Variants in EFCAB6 observed in about 807,000 individuals in gnomAD.
EFCAB6 encodes EF-hand calcium-binding domain-containing protein 6.
EFCAB6 carries 156 observed loss-of-function variants against 169.8 expected under a neutral mutation model. That is an observed-to-expected ratio of 0.92 (90% CI 0.81 to 1.05). The LOEUF is 1.05. Ranked by LOEUF, EFCAB6 falls within the 50% of genes least tolerant of loss-of-function variation. The pLI is 0.00. For synonymous variants in EFCAB6, 698 were observed against 676.4 expected (o/e 1.03, Z -0.50); for missense variants, 1,800 against 1,829.1 (o/e 0.98, Z 0.29).
intron 10 of EFCAB6, 28 bp from the exon 11 acceptor site, chr22:43,687,609 A>T: frequency 1.4e-6 from 2 of 1,411,610 alleles, no homozygotes; most frequent in Non-Finnish European, 2.0e-6. Context: ...AACAAAAAAC[A>T]TTACTTTAAA....
In EFCAB6 at chr22:43,608,471, G is replaced by C. The variant is rs201664609; in HGVS notation, c.2681+11C>G. 1.2e-6 allele frequency: 2 copies of C among 1,612,708 alleles called. No homozygotes were observed. Among genetic ancestry groups the C allele is most frequent in the South Asian group, 2.2e-5 (2 of 91,022 alleles). ...AAGAATGGAAACCAACCAGTCTCAC[G>C]TGCCACTTACCTTGCCCAAAGCTTT... On this transcript the variant is annotated intron_variant, in intron 22 of 31. Coordinates refer to ENST00000262726, the MANE Select transcript of EFCAB6 (RefSeq NM_022785.4).
intron 26 of EFCAB6, among the ~76,000 whole-genome samples, chr22:43,561,971 C>T (rs1003504379): frequency 7.2e-5 from 11 of 152,120 alleles, no homozygotes; most frequent in East Asian, 1.9e-4. Flanking sequence ...CGGCTGGGCC[C>T]GGTCCGTGCT....
At chr22:43,534,954 A>G (rs2047300850) in intron 29 of EFCAB6, 82 bp from the exon 30 acceptor site, 1 of 1,439,670 alleles carries the variant, frequency 6.9e-7, no homozygotes, top group Non-Finnish European at 9.5e-7. Flanking sequence ...ACTTGCTGAG[A>G]CACCTTCTCT....
intron 2 of EFCAB6, among the ~76,000 whole-genome samples, chr22:43,784,488 CAAAA>C (rs113755588): frequency 0.038 from 2,398 of 63,412 alleles, 141 homozygotes; most frequent in Non-Finnish European, 0.053. Flanking sequence ...CTGTCTCTAC[CAAAA>C]AAAAAAAAAA....
At chr22:43,587,985 T>A (rs577814931) in intron 24 of EFCAB6, among the ~76,000 whole-genome samples, 7 of 152,372 alleles carry the variant, frequency 4.6e-5, no homozygotes, top group African/African-American at 1.7e-4. Flanking sequence ...ATTTTTAGTA[T>A]AACTCAAATA....
At chr22:43,784,590 TGTATATATAC>T (rs1438753907) in intron 2 of EFCAB6, among the ~76,000 whole-genome samples, 2 of 36,868 alleles carry the variant, frequency 5.4e-5, no homozygotes, top group Non-Finnish European at 1.4e-4. Context: ...CACATATATA[TGTATATATAC>T]ACATATATAT....
At chr22:43,794,588 T>C (rs2062429539) in intron 2 of EFCAB6, among the ~76,000 whole-genome samples, 1 of 152,238 alleles carries the variant, frequency 6.6e-6, no homozygotes, top group Admixed American at 6.5e-5. Context: ...TAAGAAAATC[T>C]GTGTATCAAT....
intron 23 of EFCAB6, among the ~76,000 whole-genome samples, chr22:43,597,879 A>G (rs1292413818): frequency 1.3e-5 from 2 of 152,230 alleles, no homozygotes; most frequent in African/African-American, 4.8e-5. Context: ...TACACAATGG[A>G]ACATTATTTA....
intron 24 of EFCAB6, among the ~76,000 whole-genome samples, chr22:43,581,619 C>T (rs2147315154): frequency 6.6e-6 from 1 of 152,324 alleles, no homozygotes; most frequent in African/African-American, 2.4e-5. Context: ...GAATTGCTGG[C>T]ACTTAAACAC....
chr22:43,555,283 G>A (rs1284906548), intron 26 of EFCAB6, among the ~76,000 whole-genome samples, 187 bp from the exon 27 acceptor site: 1 of 152,214 alleles, frequency 6.6e-6, no homozygotes, highest in Non-Finnish European at 1.5e-5. Flanking sequence ...CTGAGCAGAA[G>A]CCTGGGTTTC....
chr22:43,661,874 T>A (rs1047464839), intron 17 of EFCAB6, among the ~76,000 whole-genome samples: 1 of 152,190 alleles, frequency 6.6e-6, no homozygotes, highest in African/African-American at 2.4e-5. Flanking sequence ...CCCAGCACTC[T>A]GGGAGGCCGA....
intron 27 of EFCAB6, among the ~76,000 whole-genome samples, chr22:43,541,184 G>A (rs11913313): frequency 0.038 from 5,755 of 152,168 alleles, 376 homozygotes; most frequent in African/African-American, 0.13. Context: ...CCCATCCTGC[G>A]CTTTCCCCTG....
intron 31 of EFCAB6, among the ~76,000 whole-genome samples, chr22:43,529,180 T>C (rs751294027): frequency 4.6e-5 from 7 of 152,230 alleles, no homozygotes; most frequent in Non-Finnish European, 8.8e-5. Flanking sequence ...TGTGTGCATC[T>C]GGGTGTGAAA....
rs555821771 is a variant in EFCAB6 at position 43,623,706 on chromosome 22, T to C, written c.2465+2741A>G. Among the ~76,000 whole-genome samples the C allele has an allele frequency of 5.0e-3, 609 of 122,284 alleles. 6 individuals carry two copies. The highest frequency in any genetic ancestry group is 7.0e-3 in the Non-Finnish European group (425 of 60,392). The allele number at this position is 122,284 out of a possible 152,430, so 80.2% of individuals were successfully genotyped here. On this transcript the variant is annotated intron_variant, in intron 20 of 31. Coordinates refer to ENST00000262726, the MANE Select transcript of EFCAB6 (RefSeq NM_022785.4). Reference sequence around the variant, plus strand: ...GTCAGGAGATCGAGACCATCCTGGCTAACATAGTGAAACCCCGTCTCTACT... The same window carrying C: ...GTCAGGAGATCGAGACCATCCTGGCCAACATAGTGAAACCCCGTCTCTACT...
At chr22:43,547,081 C>T (rs2048101749) in intron 27 of EFCAB6, among the ~76,000 whole-genome samples, 1 of 152,028 alleles carries the variant, frequency 6.6e-6, no homozygotes, top group Admixed American at 6.6e-5. Flanking sequence ...AATAAATGAC[C>T]ACTGTATAAA....
intron 6 of EFCAB6, among the ~76,000 whole-genome samples, chr22:43,748,075 C>A (rs74427289): frequency 1.6e-4 from 25 of 152,192 alleles, no homozygotes; most frequent in Non-Finnish European, 3.2e-4. Context: ...CCCACAACAC[C>A]AGTAGGTGCT....
intron 17 of EFCAB6, among the ~76,000 whole-genome samples, chr22:43,653,656 C>T (rs2056593498): frequency 6.6e-6 from 1 of 152,152 alleles, no homozygotes; most frequent in Non-Finnish European, 1.5e-5. Context: ...GATCAGCTTA[C>T]CTGGAGCAGA....
At chr22:43,779,612 C>T (rs1350035726) in intron 3 of EFCAB6, among the ~76,000 whole-genome samples, 3 of 152,126 alleles carry the variant, frequency 2.0e-5, no homozygotes, top group East Asian at 3.9e-4. Flanking sequence ...TGGTGGCATG[C>T]GCCTGTAGTC....
intron 26 of EFCAB6, among the ~76,000 whole-genome samples, chr22:43,574,419 CT>C (rs1246693553): frequency 1.3e-5 from 2 of 152,106 alleles, no homozygotes; most frequent in African/African-American, 4.8e-5. Context: ...GGCTACATGA[CT>C]TCTGGGAGCC....
Sources: allele counts gnomAD v4.1 joint callset (sites outside exome capture counted in the v4.1 genomes callset), GRCh38; gene constraint gnomAD v4.1.1; transcripts MANE v1.5; gene names NCBI Gene and HGNC (gene_info 2026-07-23, HGNC 2026-07-21).